Variants in CSMD1 observed in about 807,000 individuals in gnomAD.
CSMD1 encodes CUB and sushi domain-containing protein 1.
In CSMD1, 213 loss-of-function variants were observed where a neutral mutation model predicts 417.5. The observed-to-expected ratio is 0.51, with a 90% CI of 0.46 to 0.57. The LOEUF is 0.57. Ranked by LOEUF, CSMD1 falls within the 20% of genes least tolerant of loss-of-function variation. The pLI is 0.00. For synonymous variants in CSMD1, 2,862 were observed against 1,736.8 expected, an observed-to-expected ratio of 1.65 and a Z score of -16.11; for missense variants, 6,923 against 4,529.7, an observed-to-expected ratio of 1.53 and a Z score of -15.17.
At chr8:4,462,521 G>C (rs773520852) in intron 2 of CSMD1, among the ~76,000 whole-genome samples, 1 of 151,948 alleles carries the variant, frequency 6.6e-6, no homozygotes, top group Admixed American at 6.6e-5. Flanking sequence ...ATATTCAAAG[G>C]ACTTAGAATA....
In CSMD1 at chr8:3,135,879, A is replaced by G. The variant is rs202119780; in HGVS notation, c.6241+6586T>C. On this transcript the variant is annotated intron_variant, in intron 41 of 69. Transcript: ENST00000635120. ...TCCTTGCTGAGCAGGGTATGGTTAG[A>G]TTGGGGACATATCATCCATGTGTAT... Among the ~76,000 whole-genome samples, 6 of 152,256 alleles carry G rather than the reference A, an allele frequency of 3.9e-5. No homozygotes were observed. In the East Asian group the frequency reaches 1.2e-3, roughly 29 times the overall value.
chr8:3,736,940 T>C (rs1249777907), intron 6 of CSMD1, among the ~76,000 whole-genome samples: 2 of 152,158 alleles, frequency 1.3e-5, no homozygotes, highest in African/African-American at 2.4e-5. Flanking sequence ...TGGGTAAGGT[T>C]TCTCCCTGAG....
chr8:3,894,034 C>T (rs562098907), intron 5 of CSMD1, among the ~76,000 whole-genome samples: 1 of 152,062 alleles, frequency 6.6e-6, no homozygotes, highest in African/African-American at 2.4e-5. Context: ...AGGGAGTCTC[C>T]ATAGTGCTGG....
At chr8:4,664,891 T>A (rs570651929) in intron 1 of CSMD1, among the ~76,000 whole-genome samples, 1 of 152,310 alleles carries the variant, frequency 6.6e-6, no homozygotes, top group South Asian at 2.1e-4. Context: ...ATTACTTCTT[T>A]ACAGTTTCTA....
At chr8:4,669,719 A>G (rs1805172290) in intron 1 of CSMD1, among the ~76,000 whole-genome samples, 1 of 151,872 alleles carries the variant, frequency 6.6e-6, no homozygotes, top group Non-Finnish European at 1.5e-5. Flanking sequence ...CTTTTCTTAA[A>G]CCCTCTTTAC....
intron 1 of CSMD1, among the ~76,000 whole-genome samples, chr8:4,734,865 T>A (rs777515567): frequency 6.6e-6 from 1 of 152,188 alleles, no homozygotes; most frequent in Non-Finnish European, 1.5e-5. Context: ...GAAGATTCCA[T>A]GTGTGTTTAC....
intron 7 of CSMD1, among the ~76,000 whole-genome samples, chr8:3,659,979 A>G (rs1347260834): frequency 6.6e-6 from 1 of 152,210 alleles, no homozygotes; most frequent in Non-Finnish European, 1.5e-5. Context: ...AAGAAATCCA[A>G]CTCACACACT....
chr8:4,640,962 G>T (rs572868151), intron 1 of CSMD1, among the ~76,000 whole-genome samples: 1 of 150,852 alleles, frequency 6.6e-6, no homozygotes, highest in Non-Finnish European at 1.5e-5. Flanking sequence ...AATATCAATG[G>T]TAAAAAAGAA....
At chr8:4,486,780 G>A (rs1186561910) in intron 2 of CSMD1, among the ~76,000 whole-genome samples, 5 of 152,130 alleles carry the variant, frequency 3.3e-5, no homozygotes, top group African/African-American at 1.2e-4. Flanking sequence ...AGTGATAAAC[G>A]ATCCTGAAAA....
intron 1 of CSMD1, among the ~76,000 whole-genome samples, chr8:4,751,798 G>A (rs1008120661): frequency 3.3e-5 from 5 of 152,240 alleles, no homozygotes; most frequent in Non-Finnish European, 5.9e-5. Context: ...GCTCTGCCCC[G>A]TACATGCAGA....
At chr8:4,784,404 G>A (rs756604923) in intron 1 of CSMD1, among the ~76,000 whole-genome samples, 1 of 152,076 alleles carries the variant, frequency 6.6e-6, no homozygotes, top group Non-Finnish European at 1.5e-5. Flanking sequence ...AATTACAAAG[G>A]GAAGAACAAA....
chr8:3,622,670 T>C (rs1796310672), intron 7 of CSMD1, among the ~76,000 whole-genome samples: 1 of 152,202 alleles, frequency 6.6e-6, no homozygotes, highest in Non-Finnish European at 1.5e-5. Context: ...AGAGATTAAA[T>C]GTAAAATACA....
chr8:4,948,398 G>T (rs559477316), intron 1 of CSMD1, among the ~76,000 whole-genome samples: 11 of 151,726 alleles, frequency 7.2e-5, no homozygotes, highest in Non-Finnish European at 1.5e-4. Flanking sequence ...CTAGTTACTT[G>T]CCAGTCATTC....
At chr8:3,808,480 T>C (rs1350747047) in intron 5 of CSMD1, among the ~76,000 whole-genome samples, 2 of 152,160 alleles carry the variant, frequency 1.3e-5, no homozygotes, top group African/African-American at 4.8e-5. Context: ...TTTTCAGTAA[T>C]ATGTTTTCTG....
chr8:4,767,315 T>C (rs944630524), intron 1 of CSMD1, among the ~76,000 whole-genome samples: 3 of 152,160 alleles, frequency 2.0e-5, no homozygotes, highest in Non-Finnish European at 4.4e-5. Context: ...TGATAGAAAA[T>C]AGACATTTAT....
intron 2 of CSMD1, among the ~76,000 whole-genome samples, chr8:4,548,852 A>G (rs917781362): frequency 1.3e-5 from 2 of 152,112 alleles, no homozygotes; most frequent in Non-Finnish European, 2.9e-5. Flanking sequence ...GGGACATGTG[A>G]TGCGCGCAGG....
chr8:3,651,368 G>T (rs1469972584), intron 7 of CSMD1, among the ~76,000 whole-genome samples: 1 of 152,070 alleles, frequency 6.6e-6, no homozygotes, highest in South Asian at 2.1e-4. Context: ...TAGGTCTTCT[G>T]TCTCCTCTTC....
intron 49 of CSMD1, among the ~76,000 whole-genome samples, chr8:3,066,361 C>T (rs1812936732): frequency 6.6e-6 from 1 of 152,180 alleles, no homozygotes; most frequent in African/African-American, 2.4e-5. Flanking sequence ...GAGAATAAGT[C>T]ACACATATGA....
At chr8:4,250,904 C>A (rs1046058929) in intron 3 of CSMD1, among the ~76,000 whole-genome samples, 1 of 152,044 alleles carries the variant, frequency 6.6e-6, no homozygotes, top group Admixed American at 6.5e-5. Flanking sequence ...ACCTCTTAAA[C>A]AATAAGGTCT....
Sources: allele counts gnomAD v4.1 joint callset (sites outside exome capture counted in the v4.1 genomes callset), GRCh38; gene constraint gnomAD v4.1.1; transcripts MANE v1.5; gene names NCBI Gene and HGNC (gene_info 2026-07-23, HGNC 2026-07-21).